ZNF644: variants seen among roughly 807,000 people sequenced by gnomAD.
ZNF644 encodes zinc finger protein 644.
In ZNF644, 20 loss-of-function variants were observed where a neutral mutation model predicts 108.0. The observed-to-expected ratio is 0.19, with a 90% CI of 0.13 to 0.27. ZNF644 has a LOEUF of 0.27. ZNF644 is among the 10% of genes least tolerant of loss of function. ZNF644 has a pLI of 1.00. For missense variants in ZNF644, 1,338 were observed against 1,548.9 expected (o/e 0.86, Z 2.29); for synonymous variants, 542 against 539.1 (o/e 1.01, Z -0.08).
intron 1 of ZNF644, among the ~76,000 whole-genome samples, chr1:90,990,258 C>T (rs1477308972): frequency 2.0e-5 from 3 of 152,082 alleles, no homozygotes; most frequent in Non-Finnish European, 4.4e-5. Flanking sequence ...CTTAACACTA[C>T]TAGACTGTAT....
At position 90,916,568 on chromosome 1, in the gene ZNF644, A is replaced by C; in HGVS notation, c.*230T>G. 1 of 535,330 alleles carries C rather than the reference A, an allele frequency of 1.9e-6. No homozygotes were observed. Among genetic ancestry groups the C allele is most frequent in the South Asian group, 2.1e-5 (1 of 48,226 alleles). 33.2% of individuals were successfully genotyped at this position (535,330 alleles called of 1,614,324 possible). On this transcript the variant is annotated 3_prime_UTR_variant, in exon 6 of 6. Transcript: ENST00000337393. ...TACTGCTCTTTTACTGAGTGAACAC[A>C]GTTAACCAACAAAACTTCATAAACC...
At chr1:90,963,418 G>A (rs558221537) in intron 2 of ZNF644, among the ~76,000 whole-genome samples, 3 of 152,218 alleles carry the variant, frequency 2.0e-5, no homozygotes, top group South Asian at 2.1e-4. Flanking sequence ...AACAATTCAT[G>A]TGTCATCTTC....
intron 1 of ZNF644, among the ~76,000 whole-genome samples, chr1:90,994,712 G>T (rs560297782): frequency 6.6e-6 from 1 of 152,338 alleles, no homozygotes; most frequent in African/African-American, 2.4e-5. Flanking sequence ...TACTAGTGAA[G>T]GTTAGAAGCT....
intron 4 of ZNF644, among the ~76,000 whole-genome samples, chr1:90,936,441 T>C (rs1409995709): frequency 2.0e-5 from 3 of 152,170 alleles, no homozygotes; most frequent in Non-Finnish European, 4.4e-5. Flanking sequence ...CAGAAGCTCA[T>C]ACAAGATAAA....
In ZNF644 at chr1:90,940,973, C is replaced by T. The variant is rs1485352661; in HGVS notation, c.381G>A (p.Lys127=). ...NGPVSHSSLT[K]TSNMNKGSVS... ...CACTGCCTTTATTCATATTGGAAGT[C>T]TTAGTTAAGGAGGAGTGTGAAACTG... The change falls in exon 3 of 6, where the codon AAG becomes AAA. Residue 127 remains lysine, a synonymous_variant. Coordinates refer to ENST00000337393, the MANE Select transcript of ZNF644 (RefSeq NM_201269.3). 6.2e-7 allele frequency: 1 copy of T among 1,614,058 alleles called. No individual in the cohort carries two copies. The highest frequency in any genetic ancestry group is 8.5e-7 in the Non-Finnish European group (1 of 1,179,968).
chr1:90,950,363 CTAA>C (rs1653016334), intron 2 of ZNF644, among the ~76,000 whole-genome samples: 1 of 124,860 alleles, frequency 8.0e-6, no homozygotes, highest in African/African-American at 3.0e-5. Flanking sequence ...AGAAATAGTG[CTAA>C]TAATAGTGCT....
At position 90,942,238 on chromosome 1, in the gene ZNF644, T is replaced by C. The variant is rs192001810; in HGVS notation, c.45-929A>G. On this transcript the variant is annotated intron_variant, in intron 2 of 5. Transcript: ENST00000337393. ...ACATATGTTTTAAATTTATTTCATA[T>C]AAAATGTAGATAAAACTTTTCTAGG... 1.3e-4 allele frequency among the ~76,000 whole-genome samples: 20 copies of C among 152,302 alleles called. No homozygotes were observed. In the East Asian group the frequency reaches 3.7e-3, roughly 28 times the overall value.
intron 1 of ZNF644, among the ~76,000 whole-genome samples, chr1:91,011,304 T>C (rs1359298921): frequency 1.3e-5 from 2 of 152,168 alleles, no homozygotes; most frequent in African/African-American, 4.8e-5. Flanking sequence ...AGTAAATATT[T>C]TCATTTATAA....
At chr1:90,946,170 C>CTATA (rs549538161) in intron 2 of ZNF644, among the ~76,000 whole-genome samples, 26 of 152,096 alleles carry the variant, frequency 1.7e-4, no homozygotes, top group Non-Finnish European at 3.5e-4. Context: ...GCATTTAAAC[C>CTATA]TATATATACC....
chr1:90,954,451 G>A (rs533748730), intron 2 of ZNF644, among the ~76,000 whole-genome samples: 1 of 151,690 alleles, frequency 6.6e-6, no homozygotes, highest in Non-Finnish European at 1.5e-5. Flanking sequence ...CTGTTGCCCA[G>A]GATGGAGTGC....
At chr1:90,975,436 CTT>C (rs1243944087) in intron 2 of ZNF644, among the ~76,000 whole-genome samples, 2,129 of 135,278 alleles carry the variant, frequency 0.016, 13 homozygotes, top group Non-Finnish European at 0.025. Context: ...CAAATATCTA[CTT>C]TTTTTTTTTT....
intron 2 of ZNF644, among the ~76,000 whole-genome samples, chr1:90,980,777 T>G (rs905375907): frequency 1.3e-5 from 2 of 152,066 alleles, no homozygotes; most frequent in Non-Finnish European, 2.9e-5. Context: ...GCTGACAGAA[T>G]TCAGAAAGAT....
rs1193366552 is a variant in ZNF644 at position 90,941,187 on chromosome 1, A to G, written c.167T>C (p.Val56Ala). 6.2e-7 allele frequency: 1 copy of G among 1,611,298 alleles called. No homozygotes were observed. Among genetic ancestry groups the G allele is most frequent in the Admixed American group, 1.7e-5 (1 of 59,532 alleles). The change falls in exon 3 of 6, where the codon GTT becomes GCT. Residue 56 changes from valine to alanine, a missense_variant. Transcript: ENST00000337393. The part of the protein sequence containing the change: ...NNFISDKESG[V>A]HKPKDCQTSF... The stretch of plus-strand genomic sequence containing the variant: ...TGTTTGACAATCTTTTGGCTTATGA[A>G]CTCCGCTCTCTTTGTCTGAGATAAA...
intron 2 of ZNF644, among the ~76,000 whole-genome samples, chr1:90,958,539 G>C (rs1653995063): frequency 6.6e-6 from 1 of 151,950 alleles, no homozygotes; most frequent in Non-Finnish European, 1.5e-5. Flanking sequence ...GAAAGAAAAA[G>C]AAGGAGTACT....
intron 2 of ZNF644, among the ~76,000 whole-genome samples, chr1:90,978,330 C>T (rs997568054): frequency 4.2e-5 from 6 of 142,786 alleles, no homozygotes; most frequent in African/African-American, 1.6e-4. Context: ...CCAGCCTGGG[C>T]AACAAGAGCA....
intron 2 of ZNF644, among the ~76,000 whole-genome samples, chr1:90,952,203 G>T (rs1231853528): frequency 1.3e-5 from 2 of 152,192 alleles, no homozygotes; most frequent in African/African-American, 4.8e-5. Flanking sequence ...TAGCTGTAAA[G>T]ACTGGCTTTG....
chr1:90,940,835 T>C lies in ZNF644; in HGVS notation c.519A>G (p.Gln173=), dbSNP rs753899425. 1.9e-6 allele frequency: 3 copies of C among 1,614,012 alleles called. No homozygotes were observed. The highest frequency in any genetic ancestry group is 2.5e-6 in the Non-Finnish European group (3 of 1,179,992). ...LSTPQKASQH[Q]VLFLLSDVAH... is the part of the protein sequence containing the mutation. ...CTACATCTGATAACAAAAATAAAACTTGGTGTTGACTTGCTTTCTGTGGTG... is the reference window on the plus strand; with the variant it reads ...CTACATCTGATAACAAAAATAAAACCTGGTGTTGACTTGCTTTCTGTGGTG... The change falls in exon 3 of 6, where the codon CAA becomes CAG. Residue 173 remains glutamine (Q), a synonymous_variant. Transcript: ENST00000337393.
chr1:90,982,646 G>T (rs1014141855), intron 1 of ZNF644, among the ~76,000 whole-genome samples: 2 of 151,340 alleles, frequency 1.3e-5, no homozygotes, highest in Non-Finnish European at 2.9e-5. Context: ...ATTCTAAATT[G>T]TTTTCATTAA....
intron 4 of ZNF644, among the ~76,000 whole-genome samples, chr1:90,922,544 A>G (rs568065622): frequency 2.2e-4 from 34 of 152,256 alleles, no homozygotes; most frequent in African/African-American, 7.9e-4. Flanking sequence ...GGATGCACAC[A>G]TGCCAAAGGA....
Sources: gnomAD v4.1 joint callset for allele counts (sites outside exome capture counted in the v4.1 genomes callset) on GRCh38, gnomAD v4.1.1 for gene constraint, MANE v1.5 for transcripts, NCBI Gene and HGNC (gene_info 2026-07-23, HGNC 2026-07-21) for gene names.